CUX2: variants seen among roughly 807,000 people sequenced by gnomAD.
CUX2 encodes the protein cut like homeobox 2.
CUX2 carries 40 observed loss-of-function variants against 144.8 expected under a neutral mutation model. The observed-to-expected ratio is 0.28, with a 90% CI of 0.21 to 0.36. CUX2 has a LOEUF of 0.36. CUX2 is among the 10% of genes least tolerant of loss of function. The probability of loss-of-function intolerance (pLI) is 1.00; values close to 1 mark genes in which losing one functional copy is unlikely to be tolerated. For missense variants in CUX2, 1,615 were observed against 1,994.0 expected, an observed-to-expected ratio of 0.81 and a Z score of 3.62; for synonymous variants, 827 against 875.6, an observed-to-expected ratio of 0.94 and a Z score of 0.98.
intron 1 of CUX2, among the ~76,000 whole-genome samples, chr12:111,093,416 G>A (rs898365769): frequency 6.6e-6 from 1 of 152,138 alleles, no homozygotes; most frequent in Non-Finnish European, 1.5e-5. Flanking sequence ...CTGTGTGTGG[G>A]GCGGTGAGCA....
chr12:111,187,577 G>T (rs959460267), intron 1 of CUX2, among the ~76,000 whole-genome samples: 10 of 152,168 alleles, frequency 6.6e-5, no homozygotes, highest in Non-Finnish European at 1.0e-4. Context: ...GCTGGGGATT[G>T]GGGTACCCTG....
chr12:111,197,597 C>T (rs1165237821), intron 1 of CUX2, among the ~76,000 whole-genome samples: 2 of 152,184 alleles, frequency 1.3e-5, no homozygotes, highest in African/African-American at 4.8e-5. Flanking sequence ...AGAAATGTGA[C>T]TTGAAAAATA....
chr12:111,346,057 A>G (rs1264435505), intron 21 of CUX2, among the ~76,000 whole-genome samples: 1 of 151,042 alleles, frequency 6.6e-6, no homozygotes, highest in Non-Finnish European at 1.5e-5. Context: ...GTGAGCCGAG[A>G]TCGTGCCCCC....
chr12:111,131,535 C>T (rs763932511), intron 1 of CUX2, among the ~76,000 whole-genome samples: 7 of 152,196 alleles, frequency 4.6e-5, no homozygotes, highest in Non-Finnish European at 1.0e-4. Flanking sequence ...TCCAAAGTCT[C>T]ATCTGAGACA....
At chr12:111,106,980 G>C (rs1464750785) in intron 1 of CUX2, among the ~76,000 whole-genome samples, 1 of 152,198 alleles carries the variant, frequency 6.6e-6, no homozygotes, top group Non-Finnish European at 1.5e-5. Context: ...GTGCAGGCAA[G>C]GCCCACATGG....
intron 3 of CUX2, among the ~76,000 whole-genome samples, chr12:111,251,868 GTC>G (rs2136275937): frequency 6.6e-6 from 1 of 152,122 alleles, no homozygotes; most frequent in East Asian, 1.9e-4. Flanking sequence ...ATATCTGTCT[GTC>G]TCTCTGTCTC....
At chr12:111,264,977 T>C (rs1884306696) in intron 4 of CUX2, among the ~76,000 whole-genome samples, 1 of 152,110 alleles carries the variant, frequency 6.6e-6, no homozygotes, top group Non-Finnish European at 1.5e-5. Context: ...TTTTGGGGGA[T>C]AAAAATATTC....
At chr12:111,233,900 G>T (rs78237510) in intron 3 of CUX2, among the ~76,000 whole-genome samples, 1 of 152,284 alleles carries the variant, frequency 6.6e-6, no homozygotes, top group South Asian at 2.1e-4. Flanking sequence ...AAGTTGTGGT[G>T]GGGGAGGCTC....
At chr12:111,203,231 CA>C (rs35855857) in intron 1 of CUX2, among the ~76,000 whole-genome samples, 6,958 of 76,568 alleles carry the variant, frequency 0.091, 351 homozygotes, top group African/African-American at 0.24. Context: ...GACTCTGTCT[CA>C]AAAAAAAAAA....
intron 1 of CUX2, among the ~76,000 whole-genome samples, chr12:111,045,763 C>G (rs1334846661): frequency 6.6e-6 from 1 of 152,180 alleles, no homozygotes; most frequent in African/African-American, 2.4e-5. Context: ...GGCAACTCCC[C>G]AGTTTTGTAA....
At chr12:111,089,501 C>T (rs745553781) in intron 1 of CUX2, among the ~76,000 whole-genome samples, 13 of 152,220 alleles carry the variant, frequency 8.5e-5, no homozygotes, top group Non-Finnish European at 1.5e-4. Context: ...CCTGAATTAT[C>T]CACCCTGATG....
At chr12:111,258,025 TAGA>T (rs761875016) in intron 3 of CUX2, among the ~76,000 whole-genome samples, 8 of 152,226 alleles carry the variant, frequency 5.3e-5, no homozygotes, top group Non-Finnish European at 1.2e-4. Context: ...CCTATGTGAT[TAGA>T]AGAAGAATTT....
chr12:111,311,284 G>A (rs777206810), intron 15 of CUX2, among the ~76,000 whole-genome samples: 2 of 151,952 alleles, frequency 1.3e-5, no homozygotes, highest in South Asian at 2.1e-4. Context: ...AGTCATTGTC[G>A]TCATCATTTC....
chr12:111,346,574 T>G (rs1888821354), intron 21 of CUX2, among the ~76,000 whole-genome samples: 1 of 152,228 alleles, frequency 6.6e-6, no homozygotes, highest in South Asian at 2.1e-4. Context: ...ACTATATAGT[T>G]GCTAATAGTC....
rs996808230 is a variant in CUX2, at chr12:111,190,717, G to A, written c.64-23483G>A. ...GAGCAAAGGCAAAAGAGAGGCAGGT[G>A]GGCATCTGCCTCTATGTGTAGCTTG... On this transcript the variant is annotated intron_variant, in intron 1 of 21. Transcript: ENST00000261726. The surrounding 1 kb of genome is among the most constrained non-coding windows in gnomAD (Gnocchi z 4.0). Among the ~76,000 whole-genome samples the A allele has an allele frequency of 2.0e-5, 3 of 152,178 alleles. No individual in the cohort carries two copies. Among genetic ancestry groups the A allele is most frequent in the African/African-American group, 4.8e-5 (2 of 41,452 alleles).
chr12:111,239,389 A>G (rs141368709), intron 3 of CUX2, among the ~76,000 whole-genome samples: 155 of 152,372 alleles, frequency 1.0e-3, no homozygotes, highest in African/African-American at 3.5e-3. Flanking sequence ...GTCACCAAGC[A>G]TGAAACGGAC....
intron 20 of CUX2, 66 bp from the exon 21 acceptor site, chr12:111,341,714 C>G: frequency 6.6e-7 from 1 of 1,509,020 alleles, no homozygotes; most frequent in Non-Finnish European, 8.8e-7. Flanking sequence ...CATGGAACTC[C>G]TGCTGGCCAG....
At chr12:111,131,619 C>G (rs1488730676) in intron 1 of CUX2, among the ~76,000 whole-genome samples, 1 of 152,192 alleles carries the variant, frequency 6.6e-6, no homozygotes, top group African/African-American at 2.4e-5. Flanking sequence ...AGTGGGGGCA[C>G]AGGTATTAGG....
intron 1 of CUX2, among the ~76,000 whole-genome samples, chr12:111,081,544 G>C (rs569538064): frequency 3.9e-5 from 6 of 152,150 alleles, no homozygotes; most frequent in Non-Finnish European, 5.9e-5. Context: ...AACAGAAACC[G>C]ACTCAGCCCC....
Sources: gnomAD v4.1 joint callset for allele counts (sites outside exome capture counted in the v4.1 genomes callset) on GRCh38, gnomAD v4.1.1 for gene constraint, Gnocchi (gnomAD v3.1) non-coding constraint, MANE v1.5 for transcripts, NCBI Gene and HGNC (gene_info 2026-07-23, HGNC 2026-07-21) for gene names.